Variants in SLC13A3 observed in about 807,000 individuals in gnomAD.
SLC13A3 encodes the protein Na(+)/dicarboxylate cotransporter 3.
In SLC13A3, 40 loss-of-function variants were observed where a neutral mutation model predicts 59.0. That is an observed-to-expected ratio of 0.68 (90% CI 0.53 to 0.88). SLC13A3 has a LOEUF of 0.88. Among genes scored for constraint, SLC13A3 ranks in the 40% least tolerant of loss-of-function variants. The pLI is 0.00. For synonymous variants in SLC13A3, 317 were observed against 330.3 expected, an observed-to-expected ratio of 0.96 and a Z score of 0.44; for missense variants, 699 against 783.2, an observed-to-expected ratio of 0.89 and a Z score of 1.28.
At chr20:46,668,934 T>C (rs1258637434) in intron 1 of SLC13A3, among the ~76,000 whole-genome samples, 1 of 152,268 alleles carries the variant, frequency 6.6e-6, no homozygotes, top group East Asian at 1.9e-4. Context: ...TTCAGTAGAC[T>C]GTGGAAGGGA....
At chr20:46,612,173 G>A (rs868096784) in intron 2 of SLC13A3, among the ~76,000 whole-genome samples, 62 of 125,368 alleles carry the variant, frequency 4.9e-4, no homozygotes, top group South Asian at 2.0e-3. Flanking sequence ...TGTTACTGAG[G>A]TTGGAGTACA....
At chr20:46,672,039 CAG>C (rs1224515910), upstream of SLC13A3, among the ~76,000 whole-genome samples, 1 of 152,178 alleles carries the variant, frequency 6.6e-6, no homozygotes, top group African/African-American at 2.4e-5. Context: ...CAATACCATC[CAG>C]AGAGTCAGGG....
chr20:46,620,461 A>G (rs74912904), intron 1 of SLC13A3, among the ~76,000 whole-genome samples: 8 of 152,230 alleles, frequency 5.3e-5, no homozygotes, highest in Admixed American at 2.6e-4. Flanking sequence ...TCAGAGCAAC[A>G]TGAATTCTGC....
intron 1 of SLC13A3, among the ~76,000 whole-genome samples, chr20:46,648,679 T>C (rs1355612869): frequency 6.6e-6 from 1 of 152,094 alleles, no homozygotes; most frequent in Non-Finnish European, 1.5e-5. Context: ...CCGAGGCTGG[T>C]GGATCGCTTG....
At chr20:46,626,321 C>T (rs1161187351) in intron 1 of SLC13A3, among the ~76,000 whole-genome samples, 1 of 150,680 alleles carries the variant, frequency 6.6e-6, no homozygotes, top group Non-Finnish European at 1.5e-5. Flanking sequence ...TCTTCTTCCT[C>T]TCTCACTCCC....
chr20:46,640,352 C>T (rs1034679841), intron 1 of SLC13A3, among the ~76,000 whole-genome samples: 2 of 152,080 alleles, frequency 1.3e-5, no homozygotes, highest in African/African-American at 4.8e-5. Context: ...ACCAGGTTGA[C>T]CGGCAGGGCA....
In SLC13A3 at chr20:46,566,300, T is replaced by A; in HGVS notation, c.1423A>T (p.Ile475Phe). ...ALAVLLITVV[I>F]AFFTEFASNT... Reference sequence around the variant, plus strand: ...CTGGCAAACTCAGTGAAGAAGGCGATGACCACAGTGATGAGCAGCACAGCC... The same window carrying A: ...CTGGCAAACTCAGTGAAGAAGGCGAAGACCACAGTGATGAGCAGCACAGCC... The change falls in exon 11 of 13, where the codon ATC becomes TTC. Residue 475 changes from isoleucine to phenylalanine, a missense_variant. Coordinates refer to ENST00000279027, the MANE Select transcript of SLC13A3 (RefSeq NM_022829.6). The A allele has an allele frequency of 6.2e-7, 1 of 1,613,644 alleles. No homozygotes were observed. Among genetic ancestry groups the A allele is most frequent in the Non-Finnish European group, 8.5e-7 (1 of 1,179,676 alleles).
At chr20:46,653,276 T>G (rs1260126855), upstream of SLC13A3, among the ~76,000 whole-genome samples, 1 of 152,188 alleles carries the variant, frequency 6.6e-6, no homozygotes, top group African/African-American at 2.4e-5. Flanking sequence ...TTTATCAAAT[T>G]TTTCCTTTGG....
chr20:46,674,604 C>CGCGTGTGTGT (rs370861850), upstream of SLC13A3, among the ~76,000 whole-genome samples: 1,285 of 127,856 alleles, frequency 0.01, 7 homozygotes, highest in East Asian at 0.015. Context: ...CGCGCGCGCG[C>CGCGTGTGTGT]GTGTGTGTGT....
At chr20:46,625,031 G>C (rs1319202768) in intron 1 of SLC13A3, among the ~76,000 whole-genome samples, 1 of 152,324 alleles carries the variant, frequency 6.6e-6, no homozygotes, top group East Asian at 1.9e-4. Flanking sequence ...AGGGTCTGCT[G>C]TAAAGGGAAG....
At chr20:46,667,750 G>C (rs2063069463) in intron 1 of SLC13A3, among the ~76,000 whole-genome samples, 1 of 152,182 alleles carries the variant, frequency 6.6e-6, no homozygotes, top group Non-Finnish European at 1.5e-5. Context: ...GGCATATCTT[G>C]TCTCATTGTG....
chr20:46,652,797 G>T (rs2062961584), upstream of SLC13A3, among the ~76,000 whole-genome samples: 1 of 151,894 alleles, frequency 6.6e-6, no homozygotes, highest in Non-Finnish European at 1.5e-5. Flanking sequence ...CCCAGTATTT[G>T]CAATGCTTAG....
upstream of SLC13A3, among the ~76,000 whole-genome samples, chr20:46,654,665 G>A (rs1297972701): frequency 6.6e-6 from 1 of 152,092 alleles, no homozygotes; most frequent in African/African-American, 2.4e-5. Context: ...GAGTAGCTGG[G>A]ATTACAGGCA....
At chr20:46,668,436 C>T (rs1486003598) in intron 1 of SLC13A3, among the ~76,000 whole-genome samples, 1 of 152,172 alleles carries the variant, frequency 6.6e-6, no homozygotes, top group Non-Finnish European at 1.5e-5. Flanking sequence ...CAAGCCAAAG[C>T]CTAATCCAGA....
chr20:46,600,656 G>T, intron 3 of SLC13A3: 1 of 439,296 alleles, frequency 2.3e-6, no homozygotes, highest in Non-Finnish European at 4.8e-6. Context: ...TGGGTTGGAC[G>T]ACCCCAATTG....
At chr20:46,654,570 C>T (rs558863332), upstream of SLC13A3, among the ~76,000 whole-genome samples, 4 of 152,222 alleles carry the variant, frequency 2.6e-5, no homozygotes, top group South Asian at 8.3e-4. Context: ...GCTCTTGTTG[C>T]CCAGACTAGA....
intron 1 of SLC13A3, among the ~76,000 whole-genome samples, chr20:46,660,703 CATT>C (rs1333086731): frequency 6.6e-6 from 1 of 152,172 alleles, no homozygotes; most frequent in African/African-American, 2.4e-5. Context: ...TATTTCCCGT[CATT>C]ATCTCTTCAA....
Position 46,596,151 on chromosome 20 carries a change from T to C in SLC13A3, c.794+6A>G. On this transcript the variant is annotated splice_donor_region_variant and intron_variant, in intron 5 of 12. Transcript: ENST00000279027. ...CCTCCCCGCCGGTGGGGACTCTCGC[T>C]TTCACCTCTTGAGCTGGCCAAGCAG... The C allele has an allele frequency of 1.2e-6, 2 of 1,612,206 alleles. No individual in the cohort carries two copies. The highest frequency in any genetic ancestry group is 1.7e-6 in the Non-Finnish European group (2 of 1,179,322).
At chr20:46,668,098 A>G (rs1179917470) in intron 1 of SLC13A3, among the ~76,000 whole-genome samples, 1 of 152,198 alleles carries the variant, frequency 6.6e-6, no homozygotes. Context: ...ATACAATACT[A>G]TTGAAATTAG....
Sources: gnomAD v4.1 joint callset for allele counts (sites outside exome capture counted in the v4.1 genomes callset) on GRCh38, gnomAD v4.1.1 for gene constraint, MANE v1.5 for transcripts, NCBI Gene and HGNC (gene_info 2026-07-23, HGNC 2026-07-21) for gene names.